PPP1R21: variants seen among roughly 807,000 people sequenced by gnomAD.
The protein encoded by PPP1R21 is protein phosphatase 1 regulatory subunit 21.
PPP1R21 carries 85 observed loss-of-function variants against 112.8 expected under a neutral mutation model. The ratio of observed to expected loss-of-function variants is 0.75; its 90% confidence interval spans 0.63 to 0.90. The LOEUF is 0.90. PPP1R21 is among the 40% of genes least tolerant of loss of function. The pLI, the probability that PPP1R21 is intolerant of heterozygous loss-of-function variation, is 0.00. For synonymous variants in PPP1R21, 381 were observed against 322.3 expected (o/e 1.18, Z -1.95); for missense variants, 1,199 against 901.5 (o/e 1.33, Z -4.23).
At chr2:48,470,978 A>G (rs1288121683) in intron 9 of PPP1R21, 109 bp from the exon 10 acceptor site, 5 of 744,824 alleles carry the variant, frequency 6.7e-6, no homozygotes, top group Non-Finnish European at 1.1e-5. Context: ...GCAGTGAGCC[A>G]TTATCAGGTT....
rs1669807723 is a variant in PPP1R21 at position 48,495,745 on chromosome 2, G to GA, written c.1669dup (p.Ser557LysfsTer18). On this transcript the variant is annotated frameshift_variant, in exon 16 of 22. Coordinates refer to ENST00000294952, the MANE Select transcript of PPP1R21 (RefSeq NM_001135629.3). LOFTEE classifies it high-confidence loss of function. Reference sequence around the variant, plus strand: ...CCGCCGCATCCTTCTCAGCTCTACTGAAAGTCGAGAAGGCCTTGCACAGCA... The same window carrying GA: ...CCGCCGCATCCTTCTCAGCTCTACTGAAAAGTCGAGAAGGCCTTGCACAGCA... The GA allele has an allele frequency of 1.2e-6, 2 of 1,609,428 alleles. No individual in the cohort carries two copies. The highest frequency in any genetic ancestry group is 1.7e-6 in the Non-Finnish European group (2 of 1,175,804).
intron 12 of PPP1R21, among the ~76,000 whole-genome samples, chr2:48,476,165 A>G (rs891697566): frequency 6.6e-6 from 1 of 152,058 alleles, no homozygotes; most frequent in African/African-American, 2.4e-5. Flanking sequence ...TTCTGGCTAT[A>G]TATTTGCCAA....
intron 17 of PPP1R21, among the ~76,000 whole-genome samples, chr2:48,499,660 C>G (rs1670013785): frequency 6.6e-6 from 1 of 152,152 alleles, no homozygotes; most frequent in Non-Finnish European, 1.5e-5. Context: ...GAGTGTAAAG[C>G]TTTATAATAT....
rs1419665644 is a variant in PPP1R21, at chr2:48,460,152, T to C, written c.598T>C (p.Cys200Arg). The change falls in exon 6 of 22, where the codon TGT becomes CGT. Residue 200 changes from cysteine to arginine, a missense_variant and splice_region_variant. Physicochemically the swap from Cys to Arg is radical, Grantham distance 180. Coordinates refer to ENST00000294952, the MANE Select transcript of PPP1R21 (RefSeq NM_001135629.3). ...GGAATGTCGACTTCGAACGGAAGAA[T>C]GGTATGTGGAAACTTGAATTCCAAG... ...AKECRLRTEE[C>R]QLQLKTLHED... is the part of the protein sequence containing the mutation. The C allele has an allele frequency of 3.7e-6, 6 of 1,613,944 alleles. No individual in the cohort carries two copies. The Admixed American group carries it at 1.0e-4, about 27-fold the overall frequency.
intron 15 of PPP1R21, among the ~76,000 whole-genome samples, chr2:48,491,678 T>C (rs563725333): frequency 6.6e-6 from 1 of 152,166 alleles, no homozygotes; most frequent in Non-Finnish European, 1.5e-5. Context: ...AAAAATGTTA[T>C]TATATGTTTG....
At chr2:48,459,672 C>T (rs1667889173) in intron 4 of PPP1R21, 82 bp from the exon 5 acceptor site, 2 of 1,460,562 alleles carry the variant, frequency 1.4e-6, no homozygotes, top group African/African-American at 2.8e-5. Flanking sequence ...GGAAGTTGCT[C>T]AGTGAATAGT....
In PPP1R21 at chr2:48,486,094, G is replaced by A. The variant is rs79838914; in HGVS notation, c.1319-537G>A. Among the ~76,000 whole-genome samples the A allele has an allele frequency of 8.9e-3, 1,350 of 151,708 alleles. 25 individuals carry two copies. Among genetic ancestry groups the A allele is most frequent in the African/African-American group, 0.03 (1,256 of 41,380 alleles). On this transcript the variant is annotated intron_variant, in intron 13 of 21. Coordinates refer to ENST00000294952, the MANE Select transcript of PPP1R21 (RefSeq NM_001135629.3). Reference sequence around the variant, plus strand: ...TACTATTCTTGGACTGGAGACAGTTGCATAGGAAGTCAGGCACTGGGGCGT... The same window carrying A: ...TACTATTCTTGGACTGGAGACAGTTACATAGGAAGTCAGGCACTGGGGCGT...
intron 1 of PPP1R21, among the ~76,000 whole-genome samples, chr2:48,443,329 A>G (rs1190417631): frequency 6.6e-6 from 1 of 152,196 alleles, no homozygotes; most frequent in African/African-American, 2.4e-5. Flanking sequence ...GGTTAGATAC[A>G]GTTGAGGAAG....
chr2:48,504,995 A>T (rs939536213), intron 17 of PPP1R21, among the ~76,000 whole-genome samples: 5 of 149,890 alleles, frequency 3.3e-5, no homozygotes, highest in African/African-American at 4.9e-5. Flanking sequence ...CCTTGTGTCT[A>T]AAAAAAAAAT....
At chr2:48,482,075 C>T (rs1167064840) in intron 13 of PPP1R21, among the ~76,000 whole-genome samples, 2 of 152,184 alleles carry the variant, frequency 1.3e-5, no homozygotes, top group Non-Finnish European at 2.9e-5. Flanking sequence ...AAGTCCAAAA[C>T]ACTGCTGGTC....
intron 11 of PPP1R21, among the ~76,000 whole-genome samples, chr2:48,473,294 A>T (rs935291724): frequency 6.6e-6 from 1 of 152,202 alleles, no homozygotes; most frequent in Non-Finnish European, 1.5e-5. Context: ...ATAGTTCTGT[A>T]TAAAGATTTT....
intron 4 of PPP1R21, among the ~76,000 whole-genome samples, chr2:48,459,008 C>T (rs918777723): frequency 6.1e-5 from 9 of 148,056 alleles, no homozygotes; most frequent in African/African-American, 1.7e-4. Flanking sequence ...AGGAGAATGG[C>T]GTGAACCCGG....
chr2:48,469,468 GCATATATATAT>G (rs1275059148), intron 9 of PPP1R21, among the ~76,000 whole-genome samples: 5 of 26,746 alleles, frequency 1.9e-4, no homozygotes, highest in South Asian at 1.4e-3. Context: ...TATATATAGA[GCATATATATAT>G]ATATAGAGCA....
chr2:48,512,093 G>A (rs11690526), intron 21 of PPP1R21, among the ~76,000 whole-genome samples: 13,942 of 152,170 alleles, frequency 0.092, 725 homozygotes, highest in Non-Finnish European at 0.12. Flanking sequence ...ATTGCTCTTT[G>A]TTTATGTAAG....
chr2:48,476,010 G>A (rs1406539703), intron 12 of PPP1R21, among the ~76,000 whole-genome samples: 56 of 151,926 alleles, frequency 3.7e-4, no homozygotes, highest in Non-Finnish European at 2.9e-5. Context: ...GTGGTTTTTA[G>A]TATATTCACA....
intron 17 of PPP1R21, among the ~76,000 whole-genome samples, chr2:48,501,043 C>G (rs1485468586): frequency 6.6e-6 from 1 of 152,194 alleles, no homozygotes; most frequent in African/African-American, 2.4e-5. Context: ...TCACCAAAGG[C>G]AAGTCTTTGT....
At chr2:48,502,628 G>C (rs1193093078) in intron 17 of PPP1R21, among the ~76,000 whole-genome samples, 1 of 150,834 alleles carries the variant, frequency 6.6e-6, no homozygotes, top group Non-Finnish European at 1.5e-5. Flanking sequence ...AGATTACTTT[G>C]GTTCAGTCAC....
At chr2:48,510,773 T>TTG (rs1316734583) in intron 20 of PPP1R21, among the ~76,000 whole-genome samples, 1 of 152,176 alleles carries the variant, frequency 6.6e-6, no homozygotes, top group Non-Finnish European at 1.5e-5. Context: ...AGGCAATGTG[T>TTG]TGTAGGCCTC....
intron 4 of PPP1R21, among the ~76,000 whole-genome samples, chr2:48,458,745 T>C (rs1292134879): frequency 2.0e-5 from 3 of 152,046 alleles, no homozygotes; most frequent in African/African-American, 7.2e-5. Context: ...CACTCAGATA[T>C]TTATGGAATG....
Sources: allele counts gnomAD v4.1 joint callset (sites outside exome capture counted in the v4.1 genomes callset), GRCh38; gene constraint gnomAD v4.1.1; transcripts MANE v1.5; gene names NCBI Gene and HGNC (gene_info 2026-07-23, HGNC 2026-07-21).